CD2AP: variants seen among roughly 807,000 people sequenced by gnomAD.
CD2AP encodes CD2-associated protein.
A neutral mutation model predicts 85.1 loss-of-function variants in CD2AP; 46 were observed. The observed-to-expected ratio is 0.54, with a 90% CI of 0.43 to 0.69. The LOEUF (loss-of-function observed/expected upper bound fraction) is 0.69. Among genes scored for constraint, CD2AP ranks in the 30% least tolerant of loss-of-function variants. The pLI is 0.00. For missense variants in CD2AP, 769 were observed against 729.5 expected, an observed-to-expected ratio of 1.05 and a Z score of -0.62; for synonymous variants, 255 against 252.9, an observed-to-expected ratio of 1.01 and a Z score of -0.08.
At chr6:47,595,459 T>G (rs1582604050) in intron 11 of CD2AP, among the ~76,000 whole-genome samples, 1 of 151,996 alleles carries the variant, frequency 6.6e-6, no homozygotes, top group East Asian at 1.9e-4. Flanking sequence ...TTTCTACTTG[T>G]TTTTAGTTCT....
rs560272220 is a variant in CD2AP, at chr6:47,597,514, C to T, written c.1274+1488C>T. ...GTGGAGGAAAGCTAGAGCACCAGGA[C>T]ACTTGAGCAGGAGATTGAACATCTT... On this transcript the variant is annotated intron_variant, in intron 12 of 17. Coordinates refer to ENST00000359314, the MANE Select transcript of CD2AP (RefSeq NM_012120.3). Among the ~76,000 whole-genome samples, 74 of 151,068 alleles carry T rather than the reference C, an allele frequency of 4.9e-4. 1 individual carries two copies. Among genetic ancestry groups the T allele is most frequent in the African/African-American group, 1.7e-3 (71 of 41,404 alleles).
chr6:47,604,164 C>T (rs1397384856), intron 13 of CD2AP, among the ~76,000 whole-genome samples: 2 of 152,024 alleles, frequency 1.3e-5, no homozygotes, highest in Non-Finnish European at 2.9e-5. Context: ...GGCAGAGTGA[C>T]AATGTGATTG....
In CD2AP at chr6:47,611,069, GT is replaced by G. The variant is rs758611676; in HGVS notation, c.1815-1391del. ...CTGGCAAAGTGAAACTGAATGGCAGGTTTTTTTTTTTTTAATATCTAAAAAA... is the reference window on the plus strand; with the variant it reads ...CTGGCAAAGTGAAACTGAATGGCAGGTTTTTTTTTTTTAATATCTAAAAAA... On this transcript the variant is annotated intron_variant, in intron 16 of 17. Transcript: ENST00000359314. Among the ~76,000 whole-genome samples the G allele has an allele frequency of 3.1e-3, 421 of 134,730 alleles. 2 individuals are homozygous for G. The highest frequency in any genetic ancestry group is 8.3e-3 in the African/African-American group (306 of 36,846). 88.4% of individuals were successfully genotyped at this position (134,730 alleles called of 152,430 possible).
At chr6:47,495,580 TAATA>T (rs1315821393) in intron 1 of CD2AP, among the ~76,000 whole-genome samples, 1 of 152,188 alleles carries the variant, frequency 6.6e-6, no homozygotes, top group Non-Finnish European at 1.5e-5. Flanking sequence ...CTACTCTAGG[TAATA>T]AATAGATCTC....
At position 47,576,590 on chromosome 6, in the gene CD2AP, G is replaced by T; in HGVS notation, c.796G>T (p.Gly266Cys). Residue 266 changes from glycine to cysteine, a missense_variant, in exon 7 of 18, where the codon GGT (glycine) becomes TGT (cysteine). Coordinates refer to ENST00000359314, the MANE Select transcript of CD2AP (RefSeq NM_012120.3). Reference protein sequence around the residue: ...SVEITKTDTEGKIKAKEYCRT... With the variant: ...SVEITKTDTECKIKAKEYCRT... ...GGAGATAACAAAAACAGATACCGAA[G>T]GTAAAATTAAAGGTATGTTTTTGAA... 1 of 1,609,100 alleles carries T rather than the reference G, an allele frequency of 6.2e-7. No homozygotes were observed. Among genetic ancestry groups the T allele is most frequent in the South Asian group, 1.1e-5 (1 of 90,964 alleles).
intron 4 of CD2AP, among the ~76,000 whole-genome samples, chr6:47,550,831 G>A (rs1266357943): frequency 6.6e-6 from 1 of 151,778 alleles, no homozygotes; most frequent in East Asian, 1.9e-4. Flanking sequence ...ATGTATATAT[G>A]TGCTGGAATA....
chr6:47,617,630 A>C (rs1769626495), intron 17 of CD2AP, among the ~76,000 whole-genome samples: 2 of 152,052 alleles, frequency 1.3e-5, no homozygotes, highest in South Asian at 4.1e-4. Context: ...TAGTCCTATT[A>C]GCTTTACCTC....
rs1174145528 is a variant in CD2AP, at chr6:47,624,326, T to G, written c.*99T>G. The G allele has an allele frequency of 1.1e-6, 1 of 879,020 alleles. No homozygotes were observed. The highest frequency in any genetic ancestry group is 1.9e-6 in the Non-Finnish European group (1 of 520,966). The allele number at this position is 879,020 out of a possible 1,614,324, so 54.5% of individuals were successfully genotyped here. The stretch of plus-strand genomic sequence containing the variant: ...TTAAAAATTGTGAATTCTGTTGTTG[T>G]GATAAATATGAGCAAATGAAGTGTA... On this transcript the variant is annotated 3_prime_UTR_variant, in exon 18 of 18. Transcript: ENST00000359314.
intron 11 of CD2AP, among the ~76,000 whole-genome samples, chr6:47,593,271 T>C (rs367701263): frequency 2.3e-3 from 350 of 152,210 alleles, no homozygotes; most frequent in African/African-American, 7.3e-3. Flanking sequence ...TAAAAACTTA[T>C]ATGCATTAAA....
chr6:47,620,844 C>G (rs1207047269), intron 17 of CD2AP, among the ~76,000 whole-genome samples: 1 of 152,068 alleles, frequency 6.6e-6, no homozygotes, highest in Admixed American at 6.5e-5. Flanking sequence ...ATTTGATTCT[C>G]TGCTTGGTTG....
intron 12 of CD2AP, 26 bp from the exon 13 acceptor site, chr6:47,599,275 T>C: frequency 6.2e-7 from 1 of 1,606,746 alleles, no homozygotes. Flanking sequence ...TACTAGTGAT[T>C]TTTGCGTGTT....
chr6:47,567,923 G>A (rs971543476), intron 5 of CD2AP, among the ~76,000 whole-genome samples: 5 of 152,176 alleles, frequency 3.3e-5, no homozygotes, highest in Admixed American at 3.3e-4. Flanking sequence ...AATGTGGGGA[G>A]TAGATTGGAG....
intron 11 of CD2AP, 76 bp downstream of exon 11, chr6:47,582,141 C>A: frequency 3.1e-6 from 3 of 954,224 alleles, no homozygotes; most frequent in Non-Finnish European, 5.2e-6. Context: ...TTTCTCCACA[C>A]TGAGTTATTT....
chr6:47,558,941 T>A (rs927570581), intron 5 of CD2AP, among the ~76,000 whole-genome samples: 14 of 152,156 alleles, frequency 9.2e-5, no homozygotes, highest in African/African-American at 3.4e-4. Context: ...CGGCTATGAA[T>A]CCATCTAGAG....
In CD2AP at chr6:47,478,178, C is replaced by G. The variant is rs1272410510; in HGVS notation, c.-67C>G. The G allele has an allele frequency of 1.8e-5, 28 of 1,548,170 alleles. No homozygotes were observed. Among genetic ancestry groups the G allele is most frequent in the Non-Finnish European group, 2.4e-5 (28 of 1,145,570 alleles). On this transcript the variant is annotated 5_prime_UTR_variant, in exon 1 of 18. Coordinates refer to ENST00000359314, the MANE Select transcript of CD2AP (RefSeq NM_012120.3). ...CCGCCTCCAGCCGCGGGAGCGGCCG[C>G]GCGAGCCACCACTGGAGGAGGAGGA...
At chr6:47,586,182 G>A (rs1768625676) in intron 11 of CD2AP, among the ~76,000 whole-genome samples, 1 of 152,114 alleles carries the variant, frequency 6.6e-6, no homozygotes, top group South Asian at 2.1e-4. Context: ...TAAAAAGGTA[G>A]AAGAAAATGT....
chr6:47,512,291 G>A (rs898916593), intron 2 of CD2AP, among the ~76,000 whole-genome samples: 3 of 152,156 alleles, frequency 2.0e-5, no homozygotes, highest in Admixed American at 1.3e-4. Context: ...GCAGTGAGCC[G>A]AGATCGCACC....
intron 13 of CD2AP, among the ~76,000 whole-genome samples, chr6:47,604,868 T>C (rs1186997632): frequency 6.6e-6 from 1 of 152,048 alleles, no homozygotes; most frequent in African/African-American, 2.4e-5. Flanking sequence ...ATCAGCTTAG[T>C]TGATACAAGT....
chr6:47,532,683 CA>C (rs1215375400), intron 2 of CD2AP, among the ~76,000 whole-genome samples: 1 of 152,122 alleles, frequency 6.6e-6, no homozygotes, highest in Admixed American at 6.5e-5. Context: ...TTTTCGTTAA[CA>C]AAAACTCCCT....
Sources: allele counts gnomAD v4.1 joint callset (sites outside exome capture counted in the v4.1 genomes callset), GRCh38; gene constraint gnomAD v4.1.1; transcripts MANE v1.5; gene names NCBI Gene and HGNC (gene_info 2026-07-23, HGNC 2026-07-21).